The following ANKS1B variants were observed in gnomAD, a reference collection of about 807,000 sequenced individuals.
ANKS1B encodes ankyrin repeat and sterile alpha motif domain containing 1B, also known as ankyrin repeat and sterile alpha motif domain-containing protein 1B.
A neutral mutation model predicts 148.3 loss-of-function variants in ANKS1B; 36 were observed. The ratio of observed to expected loss-of-function variants is 0.24; its 90% CI spans 0.19 to 0.32. ANKS1B has a LOEUF of 0.32. Among genes scored for constraint, ANKS1B ranks in the 10% least tolerant of loss-of-function variants. ANKS1B has a pLI of 1.00. For synonymous variants in ANKS1B, 542 were observed against 560.8 expected (o/e 0.97, Z 0.47); for missense variants, 1,157 against 1,542.6 (o/e 0.75, Z 4.19).
intron 17 of ANKS1B, among the ~76,000 whole-genome samples, chr12:98,869,716 T>C (rs1430855896): frequency 6.6e-6 from 1 of 151,852 alleles, no homozygotes; most frequent in Non-Finnish European, 1.5e-5. Context: ...TGTATATATA[T>C]GTATATATAT....
chr12:99,413,543 G>A (rs1055533289), intron 11 of ANKS1B, among the ~76,000 whole-genome samples: 3 of 152,156 alleles, frequency 2.0e-5, no homozygotes, highest in East Asian at 3.9e-4. Context: ...GAAATAAAAC[G>A]CAAGTGGGTG....
intron 12 of ANKS1B, among the ~76,000 whole-genome samples, chr12:99,360,204 T>C (rs1255192611): frequency 6.6e-6 from 1 of 152,144 alleles, no homozygotes; most frequent in Non-Finnish European, 1.5e-5. Context: ...ACATCCATCT[T>C]TGTCACTAAC....
At chr12:99,377,793 C>G (rs552767600) in intron 12 of ANKS1B, among the ~76,000 whole-genome samples, 1 of 152,278 alleles carries the variant, frequency 6.6e-6, no homozygotes, top group Admixed American at 6.5e-5. Flanking sequence ...ATGGCTACAA[C>G]AATATCTCCC....
At chr12:99,786,583 C>G (rs2065030733) in intron 4 of ANKS1B, among the ~76,000 whole-genome samples, 1 of 152,072 alleles carries the variant, frequency 6.6e-6, no homozygotes, top group Non-Finnish European at 1.5e-5. Flanking sequence ...GTAAATCCCC[C>G]TAAGAATGCC....
chr12:99,972,376 G>A (rs1056774164), intron 1 of ANKS1B, among the ~76,000 whole-genome samples: 12 of 152,232 alleles, frequency 7.9e-5, no homozygotes, highest in Admixed American at 5.9e-4. Flanking sequence ...TGAAGGAAAT[G>A]AAAAGTGCTA....
At chr12:99,177,252 G>A (rs562596073) in intron 14 of ANKS1B, among the ~76,000 whole-genome samples, 1 of 152,278 alleles carries the variant, frequency 6.6e-6, no homozygotes, top group South Asian at 2.1e-4. Flanking sequence ...GTTTAATAAA[G>A]TGTTTTTATA....
intron 15 of ANKS1B, among the ~76,000 whole-genome samples, chr12:99,119,424 G>GT (rs556684315): frequency 7.2e-5 from 11 of 152,098 alleles, no homozygotes; most frequent in South Asian, 4.2e-4. Context: ...GAAGATAAAT[G>GT]TTTTTTTTAG....
At chr12:99,501,497 G>C (rs2096655334) in intron 10 of ANKS1B, among the ~76,000 whole-genome samples, 1 of 152,108 alleles carries the variant, frequency 6.6e-6, no homozygotes, top group Admixed American at 6.6e-5. Flanking sequence ...GTGAGGGCTA[G>C]TTAGTAGTAA....
chr12:99,597,686 A>G (rs2097769314), intron 9 of ANKS1B, among the ~76,000 whole-genome samples: 1 of 152,002 alleles, frequency 6.6e-6, no homozygotes, highest in Admixed American at 6.6e-5. Flanking sequence ...TAAAATGTTT[A>G]TTATCAAATC....
chr12:99,022,940 G>A (rs1485146924), intron 17 of ANKS1B, among the ~76,000 whole-genome samples: 3 of 152,030 alleles, frequency 2.0e-5, no homozygotes, highest in Non-Finnish European at 4.4e-5. Flanking sequence ...AATCTGTATT[G>A]AATTTTGTCA....
chr12:99,856,867 G>A (rs943676378), intron 1 of ANKS1B, among the ~76,000 whole-genome samples: 9 of 151,924 alleles, frequency 5.9e-5, no homozygotes, highest in African/African-American at 1.7e-4. Flanking sequence ...CAAAATTGGC[G>A]TAAAAGGGAC....
rs1042893156 is a variant in ANKS1B, at chr12:99,121,386, A to G, written c.2526+32903T>C. Among the ~76,000 whole-genome samples, 36 of 146,112 alleles carry G rather than the reference A, an allele frequency of 2.5e-4. 1 individual carries two copies. Among genetic ancestry groups the G allele is most frequent in the African/African-American group, 7.9e-4 (32 of 40,700 alleles). On this transcript the variant is annotated intron_variant, in intron 15 of 26. Transcript: ENST00000683438. The stretch of plus-strand genomic sequence containing the variant: ...TTTCCCCCCAAATATACTAAATAAA[A>G]TTGGTATCAACATTTCTTATCAACA...
chr12:99,431,436 C>T (rs1166157835), intron 11 of ANKS1B, among the ~76,000 whole-genome samples: 1 of 152,122 alleles, frequency 6.6e-6, no homozygotes, highest in African/African-American at 2.4e-5. Flanking sequence ...TTGTTAGGGT[C>T]AGCTATAAAG....
intron 17 of ANKS1B, among the ~76,000 whole-genome samples, chr12:99,037,174 T>C (rs1466925410): frequency 6.6e-6 from 1 of 152,194 alleles, no homozygotes; most frequent in Non-Finnish European, 1.5e-5. Flanking sequence ...ACTTGAAAAC[T>C]TATAGTCAGC....
chr12:99,982,592 C>G (rs1006878170), intron 1 of ANKS1B, among the ~76,000 whole-genome samples: 1 of 152,108 alleles, frequency 6.6e-6, no homozygotes, highest in African/African-American at 2.4e-5. Context: ...TTACGTGTAA[C>G]TTAAAACTGT....
intron 12 of ANKS1B, among the ~76,000 whole-genome samples, chr12:99,327,692 G>A (rs2086751374): frequency 6.7e-6 from 1 of 149,242 alleles, no homozygotes; most frequent in Admixed American, 6.8e-5. Flanking sequence ...ATAAAAGTCG[G>A]TTTTCTTTTT....
chr12:99,946,026 T>C (rs2095052016), intron 1 of ANKS1B, among the ~76,000 whole-genome samples: 1 of 152,154 alleles, frequency 6.6e-6, no homozygotes, highest in Non-Finnish European at 1.5e-5. Context: ...GAGGCTGCCA[T>C]GGAGAATCCC....
intron 1 of ANKS1B, among the ~76,000 whole-genome samples, chr12:99,876,623 G>C (rs187746759): frequency 6.6e-6 from 1 of 151,748 alleles, no homozygotes; most frequent in South Asian, 2.1e-4. Context: ...CCAGCTACTC[G>C]GGAGGCTGAG....
chr12:99,711,248 C>A (rs2056594418), intron 8 of ANKS1B, among the ~76,000 whole-genome samples: 1 of 152,028 alleles, frequency 6.6e-6, no homozygotes, highest in Non-Finnish European at 1.5e-5. Flanking sequence ...AATGTTATTA[C>A]TTTTATCTTT....
Sources: gnomAD v4.1 joint callset for allele counts (sites outside exome capture counted in the v4.1 genomes callset) on GRCh38, gnomAD v4.1.1 for gene constraint, MANE v1.5 for transcripts, NCBI Gene and HGNC (gene_info 2026-07-23, HGNC 2026-07-21) for gene names.